The following WBP11 variants were observed in gnomAD, a reference collection of about 807,000 sequenced individuals.
WBP11 encodes WW domain-binding protein 11.
In WBP11, 12 loss-of-function variants were observed where a neutral mutation model predicts 66.7. That is an observed-to-expected ratio of 0.18 (90% CI 0.12 to 0.29). The LOEUF (loss-of-function observed/expected upper bound fraction) is 0.29. Ranked by LOEUF, WBP11 falls within the 10% of genes least tolerant of loss-of-function variation. The pLI, the probability that WBP11 is intolerant of heterozygous loss-of-function variation, is 1.00. For missense variants in WBP11, 555 were observed against 818.3 expected (o/e 0.68, Z 3.93); for synonymous variants, 255 against 273.8 (o/e 0.93, Z 0.68).
intron 8 of WBP11, among the ~76,000 whole-genome samples, chr12:14,792,591 G>A (rs1288825509): frequency 2.0e-5 from 3 of 152,086 alleles, no homozygotes; most frequent in African/African-American, 7.2e-5. Context: ...CCAGCACTTT[G>A]GGAGGCCGAG....
intron 2 of WBP11, 129 bp from the exon 3 acceptor site, chr12:14,800,912 G>A: frequency 1.4e-6 from 1 of 723,870 alleles, no homozygotes; most frequent in Non-Finnish European, 2.2e-6. Context: ...CAGCATCTTT[G>A]GATTCTCTCC....
At position 14,786,140 on chromosome 12, in the gene WBP11, G is replaced by A. The variant is rs964417208; in HGVS notation, c.*925C>T. 6.6e-6 allele frequency: 1 copy of A among 152,102 alleles called. No individual in the cohort carries two copies. Among genetic ancestry groups the A allele is most frequent in the Admixed American group, 6.6e-5 (1 of 15,264 alleles). The allele number at this position is 152,102 out of a possible 1,614,324, so 9.4% of individuals were successfully genotyped here. Reference sequence around the variant, plus strand: ...CTGATTCTTTTATAGCTTAAAAATGGTTTAAAATGACTTTTGCCATTCAAC... The same window carrying A: ...CTGATTCTTTTATAGCTTAAAAATGATTTAAAATGACTTTTGCCATTCAAC... On this transcript the variant is annotated 3_prime_UTR_variant, in exon 12 of 12. Transcript: ENST00000261167.
chr12:14,790,765 A>G lies in WBP11; in HGVS notation c.1016-16T>C, dbSNP rs1949812521. On this transcript the variant is annotated splice_polypyrimidine_tract_variant and intron_variant, in intron 9 of 11. Coordinates refer to ENST00000261167, the MANE Select transcript of WBP11 (RefSeq NM_016312.3). The stretch of plus-strand genomic sequence containing the variant: ...ATTTCTTGACCTGAAAGAAATTTTA[A>G]ACCCAGTAAATGGAGTTGATTCATT... 6.2e-7 allele frequency: 1 copy of G among 1,605,288 alleles called. No homozygotes were observed. The highest frequency in any genetic ancestry group is 8.5e-7 in the Non-Finnish European group (1 of 1,175,426).
chr12:14,797,877 T>A (rs1347880013), intron 4 of WBP11, among the ~76,000 whole-genome samples: 3 of 152,216 alleles, frequency 2.0e-5, no homozygotes, highest in Non-Finnish European at 4.4e-5. Flanking sequence ...GTAAGCTGAA[T>A]GAGGCTAACA....
Position 14,786,902 on chromosome 12 carries a change from T to C in WBP11, c.*163A>G, listed in dbSNP as rs898910224. 8 of 711,006 alleles carry C rather than the reference T, an allele frequency of 1.1e-5. No homozygotes were observed. The African/African-American group carries it at 1.3e-4, about 11-fold the overall frequency. 44.0% of individuals were successfully genotyped at this position (711,006 alleles called of 1,614,324 possible). On this transcript the variant is annotated 3_prime_UTR_variant, in exon 12 of 12. Transcript: ENST00000261167. ...ATTCTGGATGAAATACCCTTTTTTA[T>C]GTGCAGTAAATTCTGAACAAGGCTA...
chr12:14,788,469 TGA>T (rs575372554), intron 11 of WBP11, among the ~76,000 whole-genome samples: 16 of 151,366 alleles, frequency 1.1e-4, no homozygotes, highest in African/African-American at 3.2e-4. Flanking sequence ...TGTGTACCAC[TGA>T]GAGAGAGAGA....
At chr12:14,794,349 A>G (rs1030832368) in intron 7 of WBP11, among the ~76,000 whole-genome samples, 188 bp downstream of exon 7, 5 of 152,124 alleles carry the variant, frequency 3.3e-5, no homozygotes, top group Non-Finnish European at 1.5e-5. Context: ...CACGATAAAC[A>G]TTTCTATACT....
intron 3 of WBP11, 115 bp from the exon 4 acceptor site, chr12:14,799,843 C>A: frequency 1.1e-6 from 1 of 883,398 alleles, no homozygotes; most frequent in Non-Finnish European, 1.7e-6. Flanking sequence ...TTGTTTCAAC[C>A]ACCAGAAACA....
At chr12:14,794,108 A>G (rs907504225) in intron 7 of WBP11, among the ~76,000 whole-genome samples, 186 bp from the exon 8 acceptor site, 2 of 152,206 alleles carry the variant, frequency 1.3e-5, no homozygotes, top group African/African-American at 4.8e-5. Flanking sequence ...TCCTCTGCCA[A>G]TAATTTTAAA....
chr12:14,787,380 T>G lies in WBP11; in HGVS notation c.1611A>C (p.Pro537=), dbSNP rs113714074. 5.6e-6 allele frequency: 9 copies of G among 1,600,430 alleles called. No individual in the cohort carries two copies. The East Asian group carries it at 1.1e-4, about 20-fold the overall frequency. ...CCTTGGGTCGCTGAATCAAGTTGGG[T>G]GGGGCACTTAAAACCCCAGGGTTTG... ...PLPNPGVLSA[P]PNLIQRPKAD... Residue 537 remains proline (P), a synonymous_variant, in exon 12 of 12, where the codon CCA becomes CCC. Transcript: ENST00000261167.
intron 4 of WBP11, among the ~76,000 whole-genome samples, chr12:14,798,888 T>C (rs1240197406): frequency 1.3e-5 from 2 of 152,202 alleles, no homozygotes; most frequent in Admixed American, 6.5e-5. Context: ...TTTTATTTTC[T>C]TGCATGTTTG....
intron 8 of WBP11, among the ~76,000 whole-genome samples, chr12:14,791,651 A>T (rs1370023949): frequency 6.6e-6 from 1 of 152,206 alleles, no homozygotes; most frequent in Non-Finnish European, 1.5e-5. Flanking sequence ...TGATACCAAA[A>T]TTCATCTACT....
intron 3 of WBP11, among the ~76,000 whole-genome samples, chr12:14,800,285 A>G (rs1427521304): frequency 1.3e-5 from 2 of 152,000 alleles, no homozygotes; most frequent in Non-Finnish European, 2.9e-5. Context: ...CAAATTCAAC[A>G]GCTAAGAGGA....
intron 4 of WBP11, among the ~76,000 whole-genome samples, chr12:14,798,197 T>C (rs544029472): frequency 1.8e-4 from 27 of 152,198 alleles, no homozygotes; most frequent in Non-Finnish European, 3.5e-4. Context: ...TCTTACACCA[T>C]ACTAATCCTA....
At chr12:14,789,695 T>C (rs1949798711) in intron 10 of WBP11, among the ~76,000 whole-genome samples, 1 of 152,238 alleles carries the variant, frequency 6.6e-6, no homozygotes, top group South Asian at 2.1e-4. Flanking sequence ...AGCTCCGCAA[T>C]GTTGGAAATA....
chr12:14,785,865 T>C lies in WBP11; in HGVS notation c.*1200A>G, dbSNP rs976334562. 1 of 152,194 alleles carries C rather than the reference T, an allele frequency of 6.6e-6. No homozygotes were observed. Among genetic ancestry groups the C allele is most frequent in the Admixed American group, 6.5e-5 (1 of 15,280 alleles). 9.4% of individuals were successfully genotyped at this position (152,194 alleles called of 1,614,324 possible). A position where few individuals can be genotyped will look rare whatever the true frequency, so the allele number is the denominator to read the frequency against. On this transcript the variant is annotated 3_prime_UTR_variant, in exon 12 of 12. Transcript: ENST00000261167. ...ACGAGTCCTTTTTAAGTTTCAATAC[T>C]CTCTAATGTAAAATGGGGAAAATAC... is the stretch of plus-strand genomic sequence containing the variant.
Position 14,800,661 on chromosome 12 carries a change from T to C in WBP11, c.96+91A>G, listed in dbSNP as rs554639450. ...CATAAAGTACCTTTTCTAGAAAATATTAGAAATGTTATTCTGAAACCCACT... is the reference window on the plus strand; with the variant it reads ...CATAAAGTACCTTTTCTAGAAAATACTAGAAATGTTATTCTGAAACCCACT... On this transcript the variant is annotated intron_variant, in intron 3 of 11. Coordinates refer to ENST00000261167, the MANE Select transcript of WBP11 (RefSeq NM_016312.3). 5.6e-5 allele frequency: 67 copies of C among 1,200,168 alleles called. No homozygotes were observed. In the African/African-American group the frequency reaches 8.8e-4, roughly 16 times the overall value. The allele number at this position is 1,200,168 out of a possible 1,614,324, so 74.3% of individuals were successfully genotyped here.
In WBP11 at chr12:14,796,766, T is replaced by C; in HGVS notation, c.387+41A>G. 6.4e-7 allele frequency: 1 copy of C among 1,555,950 alleles called. No homozygotes were observed. Among genetic ancestry groups the C allele is most frequent in the African/African-American group, 1.4e-5 (1 of 70,956 alleles). On this transcript the variant is annotated intron_variant, in intron 5 of 11. Transcript: ENST00000261167. This position sits in a 1 kb window ranked among gnomAD's most constrained non-coding sequence, Gnocchi z 4.5. ...TTGCATAAGGGATACTCAATCTGTA[T>C]AATATTTTAGTTTATCTCTCAAAAA...
chr12:14,788,694 G>A (rs937026177), intron 11 of WBP11, among the ~76,000 whole-genome samples: 5 of 152,132 alleles, frequency 3.3e-5, no homozygotes, highest in Non-Finnish European at 5.9e-5. Context: ...AAACGGCTTC[G>A]TAACTACAAC....
Sources: gnomAD v4.1 joint callset for allele counts (sites outside exome capture counted in the v4.1 genomes callset) on GRCh38, gnomAD v4.1.1 for gene constraint, Gnocchi (gnomAD v3.1) non-coding constraint, MANE v1.5 for transcripts, NCBI Gene and HGNC (gene_info 2026-07-23, HGNC 2026-07-21) for gene names.